Variants in DZIP3 observed in about 807,000 individuals in gnomAD.
DZIP3 encodes E3 ubiquitin-protein ligase DZIP3.
A neutral mutation model predicts 162.0 loss-of-function variants in DZIP3; 118 were observed. That is an observed-to-expected ratio of 0.73 (90% CI 0.63 to 0.85). The LOEUF is 0.85. DZIP3 is among the 40% of genes least tolerant of loss of function. DZIP3 has a pLI of 0.00. For synonymous variants in DZIP3, 438 were observed against 458.6 expected, an observed-to-expected ratio of 0.96 and a Z score of 0.57; for missense variants, 1,331 against 1,407.0, an observed-to-expected ratio of 0.95 and a Z score of 0.86.
rs1264096558 is a variant in DZIP3, at chr3:108,644,234, T to G, written c.1212T>G (p.Gly404=). The change falls in exon 14 of 33, where the codon GGT becomes GGG. Residue 404 remains glycine (G), a synonymous_variant. Coordinates refer to ENST00000361582, the MANE Select transcript of DZIP3 (RefSeq NM_014648.4). ...TGCTTCATATAATTATTATTTCTGG[T>G]ACTGACATTGTTCGACAAATATTTG... ...YHLLHIIIIS[G]TDIVRQIFDE... 6.2e-7 allele frequency: 1 copy of G among 1,613,484 alleles called. No individual in the cohort carries two copies. Among genetic ancestry groups the G allele is most frequent in the Non-Finnish European group, 8.5e-7 (1 of 1,179,820 alleles).
intron 17 of DZIP3, among the ~76,000 whole-genome samples, chr3:108,649,392 T>C (rs556478778): frequency 7.9e-5 from 12 of 151,992 alleles, no homozygotes; most frequent in African/African-American, 2.9e-4. Context: ...TGCAATAATG[T>C]GCACAAAAAG....
intron 8 of DZIP3, among the ~76,000 whole-genome samples, chr3:108,631,060 C>CACACACACACACACACA (rs1340790234): frequency 7.5e-6 from 1 of 133,838 alleles, no homozygotes; most frequent in African/African-American, 2.9e-5. Flanking sequence ...CACACACTCT[C>CACACACACACACACACA]TCTCTCTCTC....
Position 108,674,118 on chromosome 3 carries a change from A to G in DZIP3, c.2630A>G (p.His877Arg), listed in dbSNP as rs746416339. The G allele has an allele frequency of 1.2e-6, 2 of 1,612,358 alleles. No individual in the cohort carries two copies. Among genetic ancestry groups the G allele is most frequent in the Non-Finnish European group, 8.5e-7 (1 of 1,178,930 alleles). Residue 877 changes from histidine (H) to arginine (R), a missense_variant, in exon 24 of 33, where the codon CAT becomes CGT. Physicochemically the swap from His to Arg is conservative, Grantham distance 29. This residue lies in a region of DZIP3 where 1,278 missense variants were observed against 1,317.1 expected (regional missense o/e 0.97). Transcript: ENST00000361582. ...LQCRRDFGLL[H>R]LEQTEKECLN... ...TGTCGTAGGGATTTTGGTTTGCTTC[A>G]TCTAGAGCAGACTGAAAAGGAATGT...
At chr3:108,676,984 T>C (rs1487149703) in intron 25 of DZIP3, among the ~76,000 whole-genome samples, 1 of 152,098 alleles carries the variant, frequency 6.6e-6, no homozygotes, top group Non-Finnish European at 1.5e-5. Flanking sequence ...ATAAAATGTG[T>C]ATGGAGCTAG....
chr3:108,646,606 A>T lies in DZIP3; in HGVS notation c.1760-11A>T. ...AATTGTACATCTAAAATTTTTCTTTATGTATTATAGGAATTGCTCTACAGT... is the reference window on the plus strand; with the variant it reads ...AATTGTACATCTAAAATTTTTCTTTTTGTATTATAGGAATTGCTCTACAGT... On this transcript the variant is annotated splice_polypyrimidine_tract_variant and intron_variant, in intron 14 of 32. Coordinates refer to ENST00000361582, the MANE Select transcript of DZIP3 (RefSeq NM_014648.4). 6.3e-7 allele frequency: 1 copy of T among 1,578,024 alleles called. No individual in the cohort carries two copies. The highest frequency in any genetic ancestry group is 1.1e-5 in the South Asian group (1 of 88,168).
intron 26 of DZIP3, among the ~76,000 whole-genome samples, chr3:108,679,784 C>T (rs938563932): frequency 1.3e-5 from 2 of 152,050 alleles, no homozygotes; most frequent in African/African-American, 4.8e-5. Flanking sequence ...TCTGATCACT[C>T]AAGTCCCATC....
chr3:108,616,406 A>ATT lies in DZIP3; in HGVS notation c.259-124_259-123dup, dbSNP rs5851599. On this transcript the variant is annotated intron_variant, in intron 4 of 32. Coordinates refer to ENST00000361582, the MANE Select transcript of DZIP3 (RefSeq NM_014648.4). ...AGAACAGTGTATCTGGTTGGTATGGATTTTTTTTTTTTAAACCGTCTTTAT... is the reference window on the plus strand; with the variant it reads ...AGAACAGTGTATCTGGTTGGTATGGATTTTTTTTTTTTTTAAACCGTCTTTAT... The ATT allele has an allele frequency of 7.9e-3, 3,452 of 437,820 alleles. 4 individuals are homozygous for ATT. The highest frequency in any genetic ancestry group is 0.024 in the East Asian group (528 of 21,602). 27.1% of individuals were successfully genotyped at this position (437,820 alleles called of 1,614,324 possible). A position where few individuals can be genotyped will look rare whatever the true frequency, so the allele number is the denominator to read the frequency against.
At chr3:108,597,265 T>C (rs1939761079) in intron 1 of DZIP3, among the ~76,000 whole-genome samples, 1 of 152,226 alleles carries the variant, frequency 6.6e-6, no homozygotes, top group African/African-American at 2.4e-5. Flanking sequence ...TTTCTTTTTA[T>C]ACATTTCACA....
intron 8 of DZIP3, among the ~76,000 whole-genome samples, chr3:108,631,635 G>T (rs1941896252): frequency 1.5e-5 from 2 of 137,022 alleles, no homozygotes; most frequent in South Asian, 2.2e-4. Flanking sequence ...TGTTGCCCAG[G>T]CTGCTCTCAA....
chr3:108,627,804 C>T (rs1941652905), intron 7 of DZIP3, among the ~76,000 whole-genome samples: 1 of 151,906 alleles, frequency 6.6e-6, no homozygotes, highest in South Asian at 2.1e-4. Flanking sequence ...GCTTTTTCGT[C>T]CTGGGCAAGG....
At position 108,688,884 on chromosome 3, in the gene DZIP3, ATCTT is replaced by A; in HGVS notation, c.3479_3482del (p.Leu1160GlnfsTer18). 4 of 1,614,186 alleles carry A rather than the reference ATCTT, an allele frequency of 2.5e-6. No homozygotes were observed. Among genetic ancestry groups the A allele is most frequent in the Non-Finnish European group, 3.4e-6 (4 of 1,180,032 alleles). On this transcript the variant is annotated frameshift_variant, in exon 31 of 33. Coordinates refer to ENST00000361582, the MANE Select transcript of DZIP3 (RefSeq NM_014648.4). LOFTEE classifies it high-confidence loss of function. ...TGTCATGAGAATCTGTCTCCAGAAA[ATCTT>A]TCAGTTTTGCCTTGCGCTCACAAAT...
chr3:108,613,650 A>G (rs979005002), intron 4 of DZIP3, among the ~76,000 whole-genome samples: 1 of 152,200 alleles, frequency 6.6e-6, no homozygotes, highest in African/African-American at 2.4e-5. Flanking sequence ...ATTGAGACAC[A>G]CATGTATAAA....
intron 5 of DZIP3, among the ~76,000 whole-genome samples, chr3:108,618,992 C>T (rs1298786936): frequency 7.8e-6 from 1 of 127,428 alleles, no homozygotes; most frequent in Non-Finnish European, 1.6e-5. Flanking sequence ...ACCCAGGAGG[C>T]AGAGGTTGCA....
At chr3:108,632,513 T>C (rs1409087755) in intron 8 of DZIP3, among the ~76,000 whole-genome samples, 2 of 152,236 alleles carry the variant, frequency 1.3e-5, no homozygotes, top group Non-Finnish European at 2.9e-5. Flanking sequence ...GAATGGCATA[T>C]TGCACTACCA....
chr3:108,648,435 G>C (rs1338212140), intron 16 of DZIP3: 1 of 188,518 alleles, frequency 5.3e-6, no homozygotes, highest in Non-Finnish European at 1.1e-5. Flanking sequence ...GTCTAAAATA[G>C]AGAGGAAAGA....
intron 31 of DZIP3, among the ~76,000 whole-genome samples, chr3:108,689,627 C>T (rs1944619744): frequency 6.6e-6 from 1 of 152,136 alleles, no homozygotes; most frequent in Admixed American, 6.5e-5. Flanking sequence ...GTGGTGCTTG[C>T]AGTGAGCCGA....
chr3:108,640,063 T>G (rs1942321669), intron 12 of DZIP3, among the ~76,000 whole-genome samples: 1 of 152,260 alleles, frequency 6.6e-6, no homozygotes, highest in South Asian at 2.1e-4. Context: ...GCCAAATGTT[T>G]GGGAATATTT....
chr3:108,676,231 T>A (rs1243768611), intron 25 of DZIP3, among the ~76,000 whole-genome samples: 1 of 152,072 alleles, frequency 6.6e-6, no homozygotes, highest in Non-Finnish European at 1.5e-5. Flanking sequence ...AGAGGATCAC[T>A]TGAGCCAGGT....
chr3:108,686,490 G>A lies in DZIP3; in HGVS notation c.3055G>A (p.Val1019Met), dbSNP rs575418979. 3 of 1,611,868 alleles carry A rather than the reference G, an allele frequency of 1.9e-6. No homozygotes were observed. The highest frequency in any genetic ancestry group is 2.2e-5 in the South Asian group (2 of 90,726). Reference sequence around the variant, plus strand: ...TCTGCCAGCGCCTGTGGGAGACGCTGTGCCTCCCAGTGCAGGTCTGCGGAG... The same window carrying A: ...TCTGCCAGCGCCTGTGGGAGACGCTATGCCTCCCAGTGCAGGTCTGCGGAG... The part of the protein sequence containing the change: ...WALPAPVGDA[V>M]PPSAGLRSDP... Residue 1019 changes from valine (V) to methionine (M), a missense_variant, in exon 28 of 33, where the codon GTG (valine) becomes ATG (methionine). Transcript: ENST00000361582.
Sources: gnomAD v4.1 joint callset for allele counts (sites outside exome capture counted in the v4.1 genomes callset) on GRCh38, gnomAD v4.1.1 for gene constraint, gnomAD v4.1.1 regional missense constraint, MANE v1.5 for transcripts, NCBI Gene and HGNC (gene_info 2026-07-23, HGNC 2026-07-21) for gene names.